The following XRCC4 variants were observed in gnomAD, a reference collection of about 807,000 sequenced individuals.
XRCC4 encodes DNA repair protein XRCC4.
XRCC4 carries 28 observed loss-of-function variants against 39.1 expected under a neutral mutation model. That is an observed-to-expected ratio of 0.72 (90% CI 0.53 to 0.98). XRCC4 has a LOEUF of 0.98. XRCC4 is among the 50% of genes least tolerant of loss of function. The probability of loss-of-function intolerance (pLI) is 0.00; values close to 1 mark genes in which losing one functional copy is unlikely to be tolerated. For missense variants in XRCC4, 350 were observed against 376.4 expected (o/e 0.93, Z 0.58); for synonymous variants, 123 against 126.4 (o/e 0.97, Z 0.18).
At chr5:83,188,043 G>A (rs1750532205) in intron 3 of XRCC4, among the ~76,000 whole-genome samples, 1 of 152,088 alleles carries the variant, frequency 6.6e-6, no homozygotes, top group African/African-American at 2.4e-5. Context: ...AAGCATATTT[G>A]TATTCATTAT....
At chr5:83,261,176 A>C (rs909635217) in intron 7 of XRCC4, among the ~76,000 whole-genome samples, 3 of 129,286 alleles carry the variant, frequency 2.3e-5, no homozygotes, top group African/African-American at 6.9e-5. Flanking sequence ...AAGCTTCTAT[A>C]AAACAAAAGC....
intron 3 of XRCC4, among the ~76,000 whole-genome samples, chr5:83,166,106 T>TG (rs1301675208): frequency 6.6e-6 from 1 of 151,782 alleles, no homozygotes; most frequent in Non-Finnish European, 1.5e-5. Context: ...AGGCTGGTCT[T>TG]GAACTCCTGA....
intron 1 of XRCC4, among the ~76,000 whole-genome samples, chr5:83,078,102 G>A (rs1744752937): frequency 6.6e-6 from 1 of 152,224 alleles, no homozygotes; most frequent in South Asian, 2.1e-4. Flanking sequence ...CAATGGGAAG[G>A]AACTGCCGTT....
chr5:83,213,059 C>G (rs898938687), intron 6 of XRCC4, among the ~76,000 whole-genome samples: 1 of 151,210 alleles, frequency 6.6e-6, no homozygotes, highest in African/African-American at 2.4e-5. Flanking sequence ...CAGACATTAT[C>G]TGAAGCAATG....
At chr5:83,323,003 AT>A (rs1756128607) in intron 7 of XRCC4, among the ~76,000 whole-genome samples, 1 of 152,184 alleles carries the variant, frequency 6.6e-6, no homozygotes, top group Non-Finnish European at 1.5e-5. Flanking sequence ...ACAAAAAATA[AT>A]TGTTATAGTA....
intron 7 of XRCC4, among the ~76,000 whole-genome samples, chr5:83,278,849 G>A (rs1025881915): frequency 2.7e-5 from 4 of 150,754 alleles, no homozygotes; most frequent in African/African-American, 4.9e-5. Flanking sequence ...TTAGCTGAGC[G>A]TGGCGACGTG....
chr5:83,138,176 GC>G (rs1373054758), intron 3 of XRCC4, among the ~76,000 whole-genome samples: 2 of 152,086 alleles, frequency 1.3e-5, no homozygotes, highest in Non-Finnish European at 2.9e-5. Context: ...TCAAACATAT[GC>G]TTCTGATGTT....
At chr5:83,087,128 C>T (rs1235196853) in intron 1 of XRCC4, among the ~76,000 whole-genome samples, 1 of 151,926 alleles carries the variant, frequency 6.6e-6, no homozygotes, top group African/African-American at 2.4e-5. Flanking sequence ...TCCAGCCTGG[C>T]CAACCTGGTG....
At chr5:83,148,832 C>G (rs1479758445) in intron 3 of XRCC4, among the ~76,000 whole-genome samples, 1 of 151,586 alleles carries the variant, frequency 6.6e-6, no homozygotes, top group Non-Finnish European at 1.5e-5. Flanking sequence ...TAAAGTAATA[C>G]TGTTATAATG....
rs561235580 is a variant in XRCC4 at position 83,219,146 on chromosome 5, C to T, written c.745+14225C>T. On this transcript the variant is annotated intron_variant, in intron 6 of 7. Coordinates refer to ENST00000396027, the MANE Select transcript of XRCC4 (RefSeq NM_003401.5). ...TCTTCCTTCTATACCTATCTCTGTT[C>T]AAATTACCCTTTTTATAAGGGTACC... Among the ~76,000 whole-genome samples, 6 of 152,252 alleles carry T rather than the reference C, an allele frequency of 3.9e-5. No individual in the cohort carries two copies. The South Asian group carries it at 1.2e-3, about 32-fold the overall frequency.
chr5:83,347,377 A>G (rs941749435), intron 7 of XRCC4, among the ~76,000 whole-genome samples: 20 of 152,172 alleles, frequency 1.3e-4, no homozygotes, highest in African/African-American at 4.6e-4. Flanking sequence ...ACAGTTCTGT[A>G]GGGTGTGCAG....
intron 6 of XRCC4, among the ~76,000 whole-genome samples, chr5:83,255,816 G>C (rs931896587): frequency 2.0e-5 from 3 of 152,140 alleles, no homozygotes; most frequent in Non-Finnish European, 2.9e-5. Context: ...GAGCAGGAAT[G>C]ATGATTCTTC....
At chr5:83,152,423 G>C (rs1254595597) in intron 3 of XRCC4, among the ~76,000 whole-genome samples, 2 of 152,204 alleles carry the variant, frequency 1.3e-5, no homozygotes, top group South Asian at 2.1e-4. Flanking sequence ...CACGAGGTCA[G>C]GGATTCGAGA....
intron 7 of XRCC4, among the ~76,000 whole-genome samples, chr5:83,315,329 T>G (rs1325397954): frequency 6.6e-6 from 1 of 152,110 alleles, no homozygotes; most frequent in East Asian, 1.9e-4. Context: ...AGAAGCCATT[T>G]ATAACAAAAA....
At chr5:83,183,497 A>T (rs1203280804) in intron 3 of XRCC4, among the ~76,000 whole-genome samples, 1 of 149,402 alleles carries the variant, frequency 6.7e-6, no homozygotes, top group Non-Finnish European at 1.5e-5. Flanking sequence ...AAGCTCTAGC[A>T]CTCAATATGT....
intron 7 of XRCC4, among the ~76,000 whole-genome samples, chr5:83,286,084 A>G (rs1201280232): frequency 6.6e-6 from 1 of 152,110 alleles, no homozygotes; most frequent in Non-Finnish European, 1.5e-5. Flanking sequence ...GTGAGGTTCT[A>G]AAGATGGAAT....
intron 3 of XRCC4, among the ~76,000 whole-genome samples, chr5:83,117,631 ATGTGTGTGTGTGTGTGTGTGTGTG>A (rs70973379): frequency 6.9e-6 from 1 of 145,880 alleles, no homozygotes; most frequent in Non-Finnish European, 1.5e-5. Flanking sequence ...CTACATATAT[ATGTGTGTGTGTGTGTGTGTGTGTG>A]TGTGTGTGTG....
At chr5:83,262,204 A>C (rs1753776779) in intron 7 of XRCC4, among the ~76,000 whole-genome samples, 1 of 152,196 alleles carries the variant, frequency 6.6e-6, no homozygotes, top group East Asian at 1.9e-4. Flanking sequence ...AGGCTCATAA[A>C]GATATAGTTC....
chr5:83,253,575 G>GGT (rs1026720258), intron 6 of XRCC4, among the ~76,000 whole-genome samples: 1 of 151,850 alleles, frequency 6.6e-6, no homozygotes, highest in African/African-American at 2.4e-5. Flanking sequence ...GGGGAAGAGA[G>GGT]GTGGCAATCT....
Sources: allele counts gnomAD v4.1 joint callset (sites outside exome capture counted in the v4.1 genomes callset), GRCh38; gene constraint gnomAD v4.1.1; transcripts MANE v1.5; gene names NCBI Gene and HGNC (gene_info 2026-07-23, HGNC 2026-07-21).